The following SLC14A2 variants were observed in gnomAD, a reference collection of about 807,000 sequenced individuals.
SLC14A2 encodes the protein solute carrier family 14 member 2.
SLC14A2 carries 91 observed loss-of-function variants against 104.6 expected under a neutral mutation model. The observed-to-expected ratio is 0.87, with a 90% CI of 0.73 to 1.04. The LOEUF is 1.04. Ranked by LOEUF, SLC14A2 falls within the 50% of genes least tolerant of loss-of-function variation. SLC14A2 has a pLI of 0.00. For missense variants in SLC14A2, 1,189 were observed against 1,156.0 expected (o/e 1.03, Z -0.41); for synonymous variants, 476 against 466.4 (o/e 1.02, Z -0.27).
the SLC14A2 span, among the ~76,000 whole-genome samples, chr18:45,170,564 C>G: frequency 6.6e-6 from 1 of 152,154 alleles, no homozygotes; most frequent in South Asian, 2.1e-4. Flanking sequence ...TCCTGCAAGA[C>G]AGAAATTGTA....
chr18:45,315,532 G>A (rs1188077136), intron 1 of SLC14A2, among the ~76,000 whole-genome samples: 1 of 152,162 alleles, frequency 6.6e-6, no homozygotes, highest in African/African-American at 2.4e-5. Flanking sequence ...AAGAGGCTGA[G>A]AATTTTCCTG....
chr18:45,630,834 AG>A (rs2144522239), intron 4 of SLC14A2, among the ~76,000 whole-genome samples: 2 of 152,300 alleles, frequency 1.3e-5, no homozygotes, highest in South Asian at 4.1e-4. Context: ...CCTCAAGAGC[AG>A]CTGACCACAC....
At chr18:45,460,776 G>C (rs1260877104) in intron 1 of SLC14A2, among the ~76,000 whole-genome samples, 1 of 152,012 alleles carries the variant, frequency 6.6e-6, no homozygotes, top group Non-Finnish European at 1.5e-5. Context: ...CTTTGTGGCA[G>C]AAAATATTCA....
chr18:45,236,783 A>G (rs547202645), intron 1 of SLC14A2, among the ~76,000 whole-genome samples: 1 of 152,230 alleles, frequency 6.6e-6, no homozygotes, highest in Admixed American at 6.5e-5. Flanking sequence ...TATATGCAGT[A>G]GTGGGATTGC....
intron 1 of SLC14A2, among the ~76,000 whole-genome samples, chr18:45,411,096 C>A (rs1427837230): frequency 6.6e-6 from 1 of 152,124 alleles, no homozygotes; most frequent in Admixed American, 6.6e-5. Context: ...GGAACCTAAC[C>A]CTGTATTCCC....
chr18:45,534,385 A>T (rs1157767027), intron 2 of SLC14A2, among the ~76,000 whole-genome samples: 1 of 152,180 alleles, frequency 6.6e-6, no homozygotes, highest in Non-Finnish European at 1.5e-5. Context: ...AGAGGTACAG[A>T]CGCGACATGC....
At chr18:45,506,164 C>T (rs1223763539) in intron 2 of SLC14A2, among the ~76,000 whole-genome samples, 7 of 152,218 alleles carry the variant, frequency 4.6e-5, no homozygotes, top group East Asian at 1.9e-4. Flanking sequence ...AGCTCTGACT[C>T]ACACACTAAC....
chr18:45,406,496 G>A (rs554580987), intron 1 of SLC14A2, among the ~76,000 whole-genome samples: 2 of 152,202 alleles, frequency 1.3e-5, no homozygotes, highest in South Asian at 2.1e-4. Context: ...TGTAATTTTG[G>A]CCTCTTCCCA....
At chr18:45,575,789 CTTTT>C (rs201958253) in intron 2 of SLC14A2, among the ~76,000 whole-genome samples, 4 of 143,594 alleles carry the variant, frequency 2.8e-5, no homozygotes, top group Admixed American at 6.9e-5. Flanking sequence ...TTGTCTTGTT[CTTTT>C]TTTTTTTTTT....
chr18:45,351,327 C>T (rs900903734), intron 1 of SLC14A2, among the ~76,000 whole-genome samples: 7 of 152,060 alleles, frequency 4.6e-5, no homozygotes, highest in African/African-American at 1.7e-4. Context: ...CCATGCAAGC[C>T]CTTTTCTATT....
intron 2 of SLC14A2, among the ~76,000 whole-genome samples, chr18:45,530,782 T>G (rs982770297): frequency 6.6e-6 from 1 of 152,082 alleles, no homozygotes; most frequent in Non-Finnish European, 1.5e-5. Flanking sequence ...ATGTGCCATG[T>G]TGGTGTGCTG....
intron 1 of SLC14A2, among the ~76,000 whole-genome samples, chr18:45,390,681 G>A (rs1448357591): frequency 3.9e-5 from 6 of 152,140 alleles, no homozygotes; most frequent in African/African-American, 1.4e-4. Context: ...AATTTCAGAT[G>A]GGATGGTCAG....
At chr18:45,305,632 T>G (rs2085012267) in intron 1 of SLC14A2, among the ~76,000 whole-genome samples, 1 of 152,234 alleles carries the variant, frequency 6.6e-6, no homozygotes, top group Non-Finnish European at 1.5e-5. Context: ...CAATTAGACC[T>G]GGCATCTCTG....
At chr18:45,603,713 G>A (rs764796992) in intron 2 of SLC14A2, among the ~76,000 whole-genome samples, 1 of 152,122 alleles carries the variant, frequency 6.6e-6, no homozygotes, top group Non-Finnish European at 1.5e-5. Flanking sequence ...TCTCCCAGTG[G>A]AGGAATCATC....
At chr18:45,316,270 G>A (rs1255874216) in intron 1 of SLC14A2, among the ~76,000 whole-genome samples, 1 of 152,172 alleles carries the variant, frequency 6.6e-6, no homozygotes, top group Non-Finnish European at 1.5e-5. Context: ...CCCTAGGAAG[G>A]ACCCAAGGTC....
intron 1 of SLC14A2, among the ~76,000 whole-genome samples, chr18:45,258,421 A>G (rs2084502297): frequency 7.0e-6 from 1 of 143,010 alleles, no homozygotes; most frequent in Non-Finnish European, 1.5e-5. Context: ...ATTATTTCCT[A>G]TCTGAAATAT....
At chr18:45,450,052 C>T (rs1568211374) in intron 1 of SLC14A2, among the ~76,000 whole-genome samples, 1 of 152,208 alleles carries the variant, frequency 6.6e-6, no homozygotes, top group East Asian at 1.9e-4. Context: ...CTAATGCCCG[C>T]TTCTTCTATG....
chr18:45,631,472 AAAG>A (rs1320124388), intron 4 of SLC14A2, among the ~76,000 whole-genome samples: 6 of 152,242 alleles, frequency 3.9e-5, no homozygotes, highest in East Asian at 1.9e-4. Context: ...CTCCTCTGAA[AAAG>A]AAGGAGTGGC....
At chr18:45,254,764 C>A (rs959316042) in intron 1 of SLC14A2, among the ~76,000 whole-genome samples, 3 of 152,014 alleles carry the variant, frequency 2.0e-5, no homozygotes, top group African/African-American at 7.2e-5. Flanking sequence ...AGGGGCCTGA[C>A]CTGGGTTTCC....
Sources: gnomAD v4.1 joint callset for allele counts (sites outside exome capture counted in the v4.1 genomes callset) on GRCh38, gnomAD v4.1.1 for gene constraint, MANE v1.5 for transcripts, NCBI Gene and HGNC (gene_info 2026-07-23, HGNC 2026-07-21) for gene names.